The following HPSE2 variants were observed in gnomAD, a reference collection of about 807,000 sequenced individuals.
The protein encoded by HPSE2 is inactive heparanase-2.
In HPSE2, 38 loss-of-function variants were observed where a neutral mutation model predicts 60.5. The observed-to-expected ratio is 0.63, with a 90% confidence interval of 0.48 to 0.82. HPSE2 has a LOEUF of 0.82. Among genes scored for constraint, HPSE2 ranks in the 40% least tolerant of loss-of-function variants. HPSE2 has a pLI of 0.00. For synonymous variants in HPSE2, 295 were observed against 293.2 expected (o/e 1.01, Z -0.06); for missense variants, 713 against 740.4 (o/e 0.96, Z 0.43).
At chr10:98,840,231 C>T (rs551069946) in intron 3 of HPSE2, among the ~76,000 whole-genome samples, 8 of 151,884 alleles carry the variant, frequency 5.3e-5, no homozygotes, top group South Asian at 2.1e-4. Context: ...TTCAGCTGGG[C>T]GGGATTATAT....
chr10:98,683,178 A>G (rs1273046776), intron 6 of HPSE2, among the ~76,000 whole-genome samples: 1 of 152,208 alleles, frequency 6.6e-6, no homozygotes, highest in Non-Finnish European at 1.5e-5. Context: ...CTAGTTAAAA[A>G]GAAATGTCTA....
intron 3 of HPSE2, among the ~76,000 whole-genome samples, chr10:99,127,067 T>C (rs1845191847): frequency 6.6e-6 from 1 of 152,088 alleles, no homozygotes; most frequent in South Asian, 2.1e-4. Flanking sequence ...AAAACAATTC[T>C]GGTAATATGA....
chr10:99,235,473 C>G, intron 1 of HPSE2, 40 bp downstream of exon 1: 1 of 1,604,914 alleles, frequency 6.2e-7, no homozygotes, highest in Non-Finnish European at 8.5e-7. Flanking sequence ...GGGGGTGTTA[C>G]TAAAAAATTT....
intron 10 of HPSE2, among the ~76,000 whole-genome samples, chr10:98,486,359 A>G (rs1002718348): frequency 2.6e-5 from 4 of 152,142 alleles, no homozygotes; most frequent in African/African-American, 4.8e-5. Flanking sequence ...GCTTTTGGTT[A>G]TCTTAGTGAA....
At chr10:98,693,872 A>C in intron 6 of HPSE2, 28 bp downstream of exon 6, 1 of 1,562,098 alleles carries the variant, frequency 6.4e-7, no homozygotes, top group South Asian at 1.1e-5. Flanking sequence ...GCTGATAATA[A>C]GTAAGAGCAA....
intron 6 of HPSE2, among the ~76,000 whole-genome samples, chr10:98,662,041 C>T (rs1220738331): frequency 1.3e-5 from 2 of 152,150 alleles, no homozygotes; most frequent in Admixed American, 6.5e-5. Flanking sequence ...ACTACAGGCG[C>T]GTGCCACCAT....
chr10:98,907,815 T>C (rs1296180667), intron 3 of HPSE2, among the ~76,000 whole-genome samples: 1 of 150,904 alleles, frequency 6.6e-6, no homozygotes, highest in Admixed American at 6.6e-5. Flanking sequence ...GGTATAAAAG[T>C]ATAAAAAGCA....
At chr10:99,143,254 C>G (rs1845930274) in intron 3 of HPSE2, among the ~76,000 whole-genome samples, 1 of 151,912 alleles carries the variant, frequency 6.6e-6, no homozygotes, top group African/African-American at 2.4e-5. Flanking sequence ...TCACCAGGTA[C>G]AAGATGAAAA....
chr10:98,792,014 G>A (rs1950665320), intron 3 of HPSE2, among the ~76,000 whole-genome samples: 1 of 152,128 alleles, frequency 6.6e-6, no homozygotes, highest in South Asian at 2.1e-4. Context: ...AAAGTTACCT[G>A]TCTCCCGAAC....
At chr10:99,160,666 G>T (rs1401438502) in intron 2 of HPSE2, among the ~76,000 whole-genome samples, 1 of 151,936 alleles carries the variant, frequency 6.6e-6, no homozygotes, top group Non-Finnish European at 1.5e-5. Flanking sequence ...TTGGGAGGCC[G>T]AGGCGGGCGG....
At chr10:99,258,197 A>G in the HPSE2 span, among the ~76,000 whole-genome samples, 1 of 152,040 alleles carries the variant, frequency 6.6e-6, no homozygotes, top group African/African-American at 2.4e-5. Context: ...TTGTATTTTT[A>G]TGTATTAGCG....
At chr10:98,805,624 CAT>C (rs1457809815) in intron 3 of HPSE2, among the ~76,000 whole-genome samples, 1 of 151,856 alleles carries the variant, frequency 6.6e-6, no homozygotes, top group African/African-American at 2.4e-5. Context: ...AGAAATAAGA[CAT>C]GTTTACAAAC....
At chr10:98,675,141 T>TA (rs570981874) in intron 6 of HPSE2, among the ~76,000 whole-genome samples, 30 of 152,274 alleles carry the variant, frequency 2.0e-4, no homozygotes, top group African/African-American at 7.0e-4. Flanking sequence ...TTATGACACC[T>TA]AAAAACCTCT....
intron 3 of HPSE2, among the ~76,000 whole-genome samples, chr10:99,073,086 A>G (rs1842850311): frequency 6.6e-6 from 1 of 152,188 alleles, no homozygotes; most frequent in Non-Finnish European, 1.5e-5. Context: ...AAAGATCTAG[A>G]ACCAGAAATA....
intron 2 of HPSE2, among the ~76,000 whole-genome samples, chr10:99,218,393 C>T (rs1849204857): frequency 2.0e-5 from 3 of 151,870 alleles, no homozygotes; most frequent in Admixed American, 2.0e-4. Flanking sequence ...TCCCCCTTAC[C>T]ACACCTTTCT....
chr10:98,738,219 C>A (rs1949407163), intron 4 of HPSE2, among the ~76,000 whole-genome samples: 1 of 152,152 alleles, frequency 6.6e-6, no homozygotes, highest in African/African-American at 2.4e-5. Flanking sequence ...CTGACAAAAA[C>A]AAGCAATGGG....
intron 3 of HPSE2, among the ~76,000 whole-genome samples, chr10:98,928,323 A>C (rs899359846): frequency 2.4e-5 from 2 of 84,922 alleles, no homozygotes; most frequent in African/African-American, 9.3e-5. Context: ...GGCAATCATT[A>C]AAAAGTCAGG....
chr10:98,514,682 G>A (rs1942532140), intron 9 of HPSE2, among the ~76,000 whole-genome samples: 1 of 145,054 alleles, frequency 6.9e-6, no homozygotes, highest in African/African-American at 2.5e-5. Context: ...TTTCTTTCAG[G>A]AAATCATTTG....
chr10:98,587,027 T>C (rs1214761788), intron 9 of HPSE2, among the ~76,000 whole-genome samples: 2 of 152,230 alleles, frequency 1.3e-5, no homozygotes, highest in Non-Finnish European at 2.9e-5. Flanking sequence ...GGATTTGAGA[T>C]AAGGTATTTA....
Sources: gnomAD v4.1 joint callset for allele counts (sites outside exome capture counted in the v4.1 genomes callset) on GRCh38, gnomAD v4.1.1 for gene constraint, MANE v1.5 for transcripts, NCBI Gene and HGNC (gene_info 2026-07-23, HGNC 2026-07-21) for gene names.